Variants in MPP7 observed in about 807,000 individuals in gnomAD.
The protein encoded by MPP7 is MAGUK p55 scaffold protein 7, also known as MAGUK p55 subfamily member 7.
In MPP7, 60 loss-of-function variants were observed where a neutral mutation model predicts 76.5. The ratio of observed to expected loss-of-function variants is 0.78; its 90% CI spans 0.64 to 0.97. The LOEUF is 0.97. Among genes scored for constraint, MPP7 ranks in the 50% least tolerant of loss-of-function variants. The probability of loss-of-function intolerance (pLI) is 0.00; values close to 1 mark genes in which losing one functional copy is unlikely to be tolerated. For synonymous variants in MPP7, 237 were observed against 244.5 expected, an observed-to-expected ratio of 0.97 and a Z score of 0.29; for missense variants, 641 against 694.0, an observed-to-expected ratio of 0.92 and a Z score of 0.86.
chr10:28,316,968 G>C (rs529250463), intron 2 of MPP7, among the ~76,000 whole-genome samples: 49 of 152,270 alleles, frequency 3.2e-4, no homozygotes, highest in Admixed American at 1.4e-3. Flanking sequence ...GGTTCTGTGG[G>C]AGAATCCTGC....
intron 1 of MPP7, among the ~76,000 whole-genome samples, chr10:28,300,138 C>A (rs1471944286): frequency 6.6e-6 from 1 of 152,100 alleles, no homozygotes; most frequent in Non-Finnish European, 1.5e-5. Context: ...GCTGCAGTAC[C>A]TTTGTATCTT....
intron 6 of MPP7, 99 bp from the exon 7 acceptor site, chr10:28,125,190 A>G: frequency 1.0e-6 from 1 of 997,122 alleles, no homozygotes; most frequent in Admixed American, 2.1e-5. Context: ...AGAGAAAACA[A>G]CTACAAAAAC....
At chr10:28,212,485 G>A (rs1273503375) in intron 2 of MPP7, among the ~76,000 whole-genome samples, 5 of 152,160 alleles carry the variant, frequency 3.3e-5, no homozygotes, top group African/African-American at 1.2e-4. Flanking sequence ...AGATGCAGTG[G>A]GCAGTTGAAT....
At chr10:28,263,314 G>C (rs1404665005) in intron 1 of MPP7, among the ~76,000 whole-genome samples, 1 of 151,996 alleles carries the variant, frequency 6.6e-6, no homozygotes, top group Non-Finnish European at 1.5e-5. Flanking sequence ...ATGGGCCTGG[G>C]GAGGGTAAAG....
At chr10:28,236,694 AT>A (rs1328673808) in intron 2 of MPP7, 1 of 152,052 alleles carries the variant, frequency 6.6e-6, no homozygotes, top group Non-Finnish European at 1.5e-5. Context: ...CACAGAACGT[AT>A]TTTCCCAAAT....
chr10:28,146,425 G>A (rs1356265625), intron 5 of MPP7, among the ~76,000 whole-genome samples: 21 of 146,738 alleles, frequency 1.4e-4, no homozygotes, highest in Middle Eastern at 3.5e-3. Context: ...TTTTTGAGAC[G>A]GAGTCTCGCT....
At chr10:28,100,487 G>A (rs920670521) in intron 11 of MPP7, among the ~76,000 whole-genome samples, 6 of 152,020 alleles carry the variant, frequency 3.9e-5, no homozygotes, top group Non-Finnish European at 7.4e-5. Context: ...GTCAGCTTCC[G>A]TATTGATCTT....
intron 2 of MPP7, among the ~76,000 whole-genome samples, chr10:28,312,484 C>T (rs1841295552): frequency 1.3e-5 from 2 of 152,146 alleles, no homozygotes. Context: ...CCAAGTTGAT[C>T]CAGGAAGTCC....
chr10:28,123,538 G>A (rs1286964222), intron 8 of MPP7, among the ~76,000 whole-genome samples: 2 of 142,612 alleles, frequency 1.4e-5, no homozygotes, highest in Non-Finnish European at 3.0e-5. Flanking sequence ...GTGTGATCTC[G>A]ACTCACTGCA....
chr10:28,282,409 T>A (rs911447119), intron 1 of MPP7, among the ~76,000 whole-genome samples: 2 of 151,776 alleles, frequency 1.3e-5, no homozygotes, highest in African/African-American at 4.9e-5. Flanking sequence ...AAATCAAACG[T>A]ACTCACTCTG....
intron 3 of MPP7, among the ~76,000 whole-genome samples, chr10:28,179,402 T>C (rs1400100279): frequency 6.6e-6 from 1 of 152,190 alleles, no homozygotes; most frequent in Non-Finnish European, 1.5e-5. Context: ...GACCACCGTG[T>C]CTGTTTTTCA....
In MPP7 at chr10:28,195,397, CAGG is replaced by C. The variant is rs552169088; in HGVS notation, c.156+6753_156+6755del. 5.8e-3 allele frequency among the ~76,000 whole-genome samples: 886 copies of C among 152,232 alleles called. 5 individuals carry two copies. The highest frequency in any genetic ancestry group is 0.02 in the African/African-American group (844 of 41,546). On this transcript the variant is annotated intron_variant, in intron 3 of 16. Coordinates refer to ENST00000683449, the MANE Select transcript of MPP7 (RefSeq NM_001318170.2). ...GCAATTCCTCTCCTAGATACATACC[CAGG>C]AGAAGTGAAAATATACATCTATGCA...
In MPP7 at chr10:28,076,535, A is replaced by ATG. The variant is rs1230082704; in HGVS notation, c.1124-6685_1124-6684dup. Among the ~76,000 whole-genome samples the ATG allele has an allele frequency of 2.0e-5, 3 of 147,714 alleles. No homozygotes were observed. The Admixed American group carries it at 2.0e-4, about 10-fold the overall frequency. On this transcript the variant is annotated intron_variant, in intron 12 of 16. Transcript: ENST00000683449. Reference sequence around the variant, plus strand: ...CCCAATTATATATGTTCCCACACACATGCGCGCACACACACACACACACAG... The same window carrying ATG: ...CCCAATTATATATGTTCCCACACACATGTGCGCGCACACACACACACACACAG...
chr10:28,270,459 G>A (rs1840285078), intron 1 of MPP7, among the ~76,000 whole-genome samples: 1 of 147,540 alleles, frequency 6.8e-6, no homozygotes, highest in Non-Finnish European at 1.5e-5. Context: ...ACAGAGGCAG[G>A]AGGATCACTT....
intron 1 of MPP7, among the ~76,000 whole-genome samples, chr10:28,245,858 CAA>C (rs1839416722): frequency 6.7e-6 from 1 of 148,920 alleles, no homozygotes; most frequent in Non-Finnish European, 1.5e-5. Flanking sequence ...GAAAAATTCA[CAA>C]GAGGGGCTCA....
chr10:28,276,536 C>G (rs1183213199), intron 1 of MPP7, among the ~76,000 whole-genome samples: 2 of 152,014 alleles, frequency 1.3e-5, no homozygotes, highest in African/African-American at 4.8e-5. Flanking sequence ...AAACAGAACA[C>G]TATATCACTG....
chr10:28,266,553 GA>G (rs1401564707), intron 1 of MPP7, among the ~76,000 whole-genome samples: 1 of 152,158 alleles, frequency 6.6e-6, no homozygotes, highest in African/African-American at 2.4e-5. Flanking sequence ...CTGGGTGACA[GA>G]GTGAGACCCT....
chr10:28,212,010 G>A (rs1588930985), intron 2 of MPP7, among the ~76,000 whole-genome samples: 1 of 152,150 alleles, frequency 6.6e-6, no homozygotes, highest in Non-Finnish European at 1.5e-5. Flanking sequence ...CACTATGGGA[G>A]GCTGAGGCAG....
At chr10:28,228,025 C>A (rs1465161918) in intron 2 of MPP7, among the ~76,000 whole-genome samples, 1 of 152,170 alleles carries the variant, frequency 6.6e-6, no homozygotes, top group African/African-American at 2.4e-5. Context: ...GACTGAACTA[C>A]TTGCCCAACA....
Sources: allele counts gnomAD v4.1 joint callset (sites outside exome capture counted in the v4.1 genomes callset), GRCh38; gene constraint gnomAD v4.1.1; transcripts MANE v1.5; gene names NCBI Gene and HGNC (gene_info 2026-07-23, HGNC 2026-07-21).